Variants in CFAP52 observed in about 807,000 individuals in gnomAD.
CFAP52 encodes cilia- and flagella-associated protein 52.
CFAP52 carries 57 observed loss-of-function variants against 70.5 expected under a neutral mutation model. The observed-to-expected ratio is 0.81, with a 90% CI of 0.65 to 1.01. CFAP52 has a LOEUF of 1.01. CFAP52 is among the 50% of genes least tolerant of loss of function. CFAP52 has a pLI of 0.00. For synonymous variants in CFAP52, 267 were observed against 292.5 expected (o/e 0.91, Z 0.89); for missense variants, 785 against 788.5 (o/e 1.00, Z 0.05).
intron 2 of CFAP52, among the ~76,000 whole-genome samples, chr17:9,586,290 G>A (rs1038674965): frequency 4.6e-5 from 7 of 152,200 alleles, no homozygotes; most frequent in Non-Finnish European, 7.4e-5. Flanking sequence ...CGGGCTGGGC[G>A]CGGTGGCTCA....
At chr17:9,581,206 A>T (rs568181622) in intron 1 of CFAP52, among the ~76,000 whole-genome samples, 1 of 152,248 alleles carries the variant, frequency 6.6e-6, no homozygotes, top group South Asian at 2.1e-4. Context: ...AGTCCCAGCT[A>T]CTCGGGAGGC....
chr17:9,644,239 A>G (rs1445793951), downstream of CFAP52, among the ~76,000 whole-genome samples: 1 of 152,034 alleles, frequency 6.6e-6, no homozygotes, highest in Non-Finnish European at 1.5e-5. Flanking sequence ...CTGAGTAGCT[A>G]GGATTACAGG....
downstream of CFAP52, among the ~76,000 whole-genome samples, chr17:9,643,785 A>G (rs1567640158): frequency 6.6e-6 from 1 of 152,216 alleles, no homozygotes; most frequent in Non-Finnish European, 1.5e-5. Flanking sequence ...TTTCTCAAAG[A>G]AAATGTGTGG....
chr17:9,577,363 G>T (rs969573949), intron 1 of CFAP52, among the ~76,000 whole-genome samples: 2 of 152,192 alleles, frequency 1.3e-5, no homozygotes, highest in African/African-American at 4.8e-5. Flanking sequence ...GAGCTAAAGC[G>T]GAGAGAAAAA....
In CFAP52 at chr17:9,594,097, T is replaced by G. The variant is rs964675109; in HGVS notation, c.408-96T>G. On this transcript the variant is annotated intron_variant, in intron 3 of 13. Transcript: ENST00000352665. ...GTTCGTTTTTAAGTAACCTGTTGTG[T>G]TTTTTTCTTTCTAGAACCACTAAGA... is the stretch of plus-strand genomic sequence containing the variant. 16 of 1,456,818 alleles carry G rather than the reference T, an allele frequency of 1.1e-5. No homozygotes were observed. In the African/African-American group the frequency reaches 2.3e-4, roughly 21 times the overall value. The allele number at this position is 1,456,818 out of a possible 1,614,324, so 90.2% of individuals were successfully genotyped here.
chr17:9,641,636 A>T, intron 12 of CFAP52, 88 bp from the exon 13 acceptor site: 2 of 934,720 alleles, frequency 2.1e-6, no homozygotes, highest in Admixed American at 1.9e-5. Context: ...GCTCCCTTCT[A>T]TATAAAGTAG....
intron 4 of CFAP52, among the ~76,000 whole-genome samples, chr17:9,596,235 G>A (rs1332137245): frequency 1.3e-5 from 2 of 151,330 alleles, no homozygotes; most frequent in African/African-American, 4.9e-5. Context: ...AAGTAGCTGG[G>A]ATTACAGGTG....
At chr17:9,589,711 G>C (rs1455332348) in intron 3 of CFAP52, among the ~76,000 whole-genome samples, 2 of 145,436 alleles carry the variant, frequency 1.4e-5, no homozygotes, top group Non-Finnish European at 3.0e-5. Context: ...CCAGCCTGGG[G>C]ACAAGAGCGA....
In CFAP52 at chr17:9,614,157, C is replaced by CT. The variant is rs11347755; in HGVS notation, c.1025+1695dup. On this transcript the variant is annotated intron_variant, in intron 8 of 13. Coordinates refer to ENST00000352665, the MANE Select transcript of CFAP52 (RefSeq NM_145054.5). ...CCTTTTCTTTTTCTTTTCTTTCTTT[C>CT]TTTTTTTTTTTTTTTTTGAGACTGA... 7.4e-3 allele frequency among the ~76,000 whole-genome samples: 699 copies of CT among 93,962 alleles called. 21 individuals carry two copies. The highest frequency in any genetic ancestry group is 0.022 in the African/African-American group (584 of 26,134). 61.6% of individuals were successfully genotyped at this position (93,962 alleles called of 152,430 possible). A position where few individuals can be genotyped will look rare whatever the true frequency, so the allele number is the denominator to read the frequency against.
intron 9 of CFAP52, among the ~76,000 whole-genome samples, chr17:9,631,110 A>T (rs1331699333): frequency 7.8e-6 from 1 of 128,148 alleles, no homozygotes; most frequent in African/African-American, 2.7e-5. Flanking sequence ...AAGAAAGAAC[A>T]TAAGTCAGAA....
chr17:9,611,625 C>A (rs1039547533), intron 7 of CFAP52, among the ~76,000 whole-genome samples: 1 of 152,146 alleles, frequency 6.6e-6, no homozygotes, highest in Non-Finnish European at 1.5e-5. Context: ...CTAGGCCATC[C>A]AAAGTGCTGG....
chr17:9,614,673 A>G (rs1245311000), intron 8 of CFAP52, among the ~76,000 whole-genome samples: 3 of 152,124 alleles, frequency 2.0e-5, no homozygotes, highest in African/African-American at 4.8e-5. Context: ...GGATTTCTCA[A>G]CCTCCGCACT....
At chr17:9,601,792 G>C (rs147392419) in intron 6 of CFAP52, among the ~76,000 whole-genome samples, 119 of 152,236 alleles carry the variant, frequency 7.8e-4, no homozygotes, top group Non-Finnish European at 1.3e-3. Context: ...ACTTATCAGG[G>C]CTGTTTCTAC....
chr17:9,625,169 G>A (rs977372590), intron 8 of CFAP52, among the ~76,000 whole-genome samples: 6 of 151,798 alleles, frequency 4.0e-5, no homozygotes, highest in Admixed American at 6.6e-5. Context: ...CCATGTAGCT[G>A]TCTTTAGCAG....
Position 9,576,688 on chromosome 17 carries a change from TC to T in CFAP52, c.-5del. 2.5e-6 allele frequency: 4 copies of T among 1,607,888 alleles called. No individual in the cohort carries two copies. The highest frequency in any genetic ancestry group is 3.4e-6 in the Non-Finnish European group (4 of 1,176,888). On this transcript the variant is annotated 5_prime_UTR_variant, in exon 1 of 14. Coordinates refer to ENST00000352665, the MANE Select transcript of CFAP52 (RefSeq NM_145054.5). The stretch of plus-strand genomic sequence containing the variant: ...GGAGGAGAGCAAAGTAATCAGAACC[TC>T]CCAAGGATGGATAACAAAATTTCGC...
intron 7 of CFAP52, among the ~76,000 whole-genome samples, chr17:9,610,533 T>TC (rs1909674187): frequency 6.8e-6 from 1 of 147,868 alleles, no homozygotes; most frequent in African/African-American, 2.5e-5. Flanking sequence ...CTTTCCCCAT[T>TC]TTTTTTTTTT....
chr17:9,586,943 T>C (rs888746117), intron 3 of CFAP52, 109 bp downstream of exon 3: 1 of 1,299,502 alleles, frequency 7.7e-7, no homozygotes, highest in Non-Finnish European at 1.0e-6. Context: ...TGTCACGGGT[T>C]TGTTGTACAG....
At chr17:9,628,856 T>C (rs1398499035) in intron 9 of CFAP52, 36 bp downstream of exon 9, 10 of 1,612,342 alleles carry the variant, frequency 6.2e-6, no homozygotes, top group Non-Finnish European at 7.6e-6. Context: ...CTTGGGGCTC[T>C]AGCTGCGGTT....
chr17:9,637,819 C>T (rs1910875855), intron 11 of CFAP52, among the ~76,000 whole-genome samples: 1 of 152,252 alleles, frequency 6.6e-6, no homozygotes, highest in South Asian at 2.1e-4. Context: ...AGGTGATCTG[C>T]CCACCTTGGC....
Sources: gnomAD v4.1 joint callset for allele counts (sites outside exome capture counted in the v4.1 genomes callset) on GRCh38, gnomAD v4.1.1 for gene constraint, MANE v1.5 for transcripts, NCBI Gene and HGNC (gene_info 2026-07-23, HGNC 2026-07-21) for gene names.